Variants in CUBN observed in about 807,000 individuals in gnomAD.
The protein encoded by CUBN is 460 kDa receptor.
CUBN carries 282 observed loss-of-function variants against 405.3 expected under a neutral mutation model. The observed-to-expected ratio is 0.70, with a 90% confidence interval of 0.63 to 0.77. The LOEUF is 0.77. Ranked by LOEUF, CUBN falls within the 30% of genes least tolerant of loss-of-function variation. The pLI is 0.00. For missense variants in CUBN, 4,514 were observed against 4,475.2 expected (o/e 1.01, Z -0.25); for synonymous variants, 1,684 against 1,617.0 (o/e 1.04, Z -0.99).
intron 27 of CUBN, chr10:17,023,725 G>C (rs1348189861): frequency 6.2e-5 from 25 of 403,356 alleles, no homozygotes; most frequent in Middle Eastern, 3.5e-4. Context: ...AGTTCTAATT[G>C]AGTTACAGAA....
At chr10:17,018,142 C>T (rs1263423235) in intron 28 of CUBN, among the ~76,000 whole-genome samples, 1 of 151,910 alleles carries the variant, frequency 6.6e-6, no homozygotes, top group Admixed American at 6.6e-5. Flanking sequence ...GCCTGACACC[C>T]GTGTCTTTAG....
At chr10:17,116,748 G>T (rs955578267) in intron 6 of CUBN, among the ~76,000 whole-genome samples, 2 of 152,186 alleles carry the variant, frequency 1.3e-5, no homozygotes, top group African/African-American at 4.8e-5. Context: ...GCTTGCCTGT[G>T]GTGGGCCCCA....
chr10:17,066,991 T>C (rs985102037), intron 21 of CUBN, among the ~76,000 whole-genome samples: 48 of 152,194 alleles, frequency 3.2e-4, no homozygotes, highest in African/African-American at 1.1e-3. Context: ...AAGGCAAAAC[T>C]GAAATGGATC....
At position 16,840,914 on chromosome 10, in the gene CUBN, C is replaced by A. The variant is rs754724047; in HGVS notation, c.9797G>T (p.Gly3266Val). The change falls in exon 61 of 67, where the codon GGA (glycine) becomes GTA (valine). Residue 3266 changes from glycine (G) to valine (V), a missense_variant. This residue lies in a region of CUBN where 1,186 missense variants were observed against 1,186.9 expected (regional missense o/e 1.00). Transcript: ENST00000377833. ...CATGATGGTGTATGTAGCATTAAAT[C>A]CTTCCCTCTCTAATGTTAAGTCACT... is the stretch of plus-strand genomic sequence containing the variant. ...FISDLTLERE[G>V]FNATYTIMDM... 36 of 1,612,782 alleles carry A rather than the reference C, an allele frequency of 2.2e-5. No individual in the cohort carries two copies. Among genetic ancestry groups the A allele is most frequent in the Non-Finnish European group, 2.7e-5 (32 of 1,179,352 alleles).
intron 48 of CUBN, among the ~76,000 whole-genome samples, chr10:16,913,459 A>C (rs1841790720): frequency 6.6e-6 from 1 of 152,076 alleles, no homozygotes; most frequent in African/African-American, 2.4e-5. Flanking sequence ...CCACCTGCTC[A>C]GAACTTTCGT....
Position 16,851,358 on chromosome 10 carries a change from G to A in CUBN, c.9540C>T (p.Asp3180=), listed in dbSNP as rs774357981. 6 of 1,614,060 alleles carry A rather than the reference G, an allele frequency of 3.7e-6. No individual in the cohort carries two copies. The South Asian group carries it at 6.6e-5, about 18-fold the overall frequency. Residue 3180 remains aspartate (D), a synonymous_variant, in exon 60 of 67, where the codon GAC becomes GAT. Transcript: ENST00000377833. ...TGATCCATACACAGTTTAAATTCTT[G>A]TCATACATTCCATTCGAATCAGAAT... The part of the protein sequence containing the change: ...SPDSDSNGMY[D]KNLNCVWIII...
chr10:16,934,475 A>T (rs1342635944), intron 39 of CUBN, among the ~76,000 whole-genome samples: 2 of 152,204 alleles, frequency 1.3e-5, no homozygotes, highest in Non-Finnish European at 2.9e-5. Flanking sequence ...AGATTTTTTT[A>T]AAGCAATTTC....
At chr10:17,023,315 T>G (rs1213398327) in intron 27 of CUBN, among the ~76,000 whole-genome samples, 2 of 151,602 alleles carry the variant, frequency 1.3e-5, no homozygotes, top group African/African-American at 2.4e-5. Context: ...AATAGACATT[T>G]ATGAAAATGC....
chr10:16,892,731 T>C (rs574333184), intron 54 of CUBN, among the ~76,000 whole-genome samples: 39 of 152,204 alleles, frequency 2.6e-4, no homozygotes, highest in African/African-American at 9.4e-4. Flanking sequence ...TGGACTCAAC[T>C]GATCTGCCTG....
chr10:16,968,452 G>T (rs549036308), intron 31 of CUBN, among the ~76,000 whole-genome samples: 1 of 152,068 alleles, frequency 6.6e-6, no homozygotes, highest in Admixed American at 6.6e-5. Context: ...GTTAGCCCTC[G>T]TTTGTGTTTT....
chr10:17,002,886 T>A (rs1293994683), intron 28 of CUBN, among the ~76,000 whole-genome samples: 1 of 152,208 alleles, frequency 6.6e-6, no homozygotes, highest in Non-Finnish European at 1.5e-5. Context: ...AGTGAAAATT[T>A]GTCATAAATA....
intron 31 of CUBN, chr10:16,965,860 T>A (rs1300471823): frequency 2.3e-6 from 1 of 429,692 alleles, no homozygotes; most frequent in Non-Finnish European, 4.8e-6. Flanking sequence ...CAGTTCCACT[T>A]TGCAGCAGGG....
At chr10:16,950,138 C>T (rs766151832) in intron 33 of CUBN, 27 bp from the exon 34 acceptor site, 27 of 1,525,232 alleles carry the variant, frequency 1.8e-5, no homozygotes, top group Middle Eastern at 1.7e-4. Flanking sequence ...AAGACTCTCT[C>T]GTAAAGTACT....
Position 16,968,616 on chromosome 10 carries a change from G to A in CUBN, c.4695+13868C>T, listed in dbSNP as rs73596226. On this transcript the variant is annotated intron_variant, in intron 31 of 66. Transcript: ENST00000377833. ...CAGGGGCCAGCTGGTGCTGCTGAACGGACTTTCCTCTTCCTGCTCTCACAC... is the reference window on the plus strand; with the variant it reads ...CAGGGGCCAGCTGGTGCTGCTGAACAGACTTTCCTCTTCCTGCTCTCACAC... Among the ~76,000 whole-genome samples, 645 of 152,308 alleles carry A rather than the reference G, an allele frequency of 4.2e-3. 4 individuals carry two copies. Among genetic ancestry groups the A allele is most frequent in the African/African-American group, 0.015 (619 of 41,572 alleles).
At chr10:16,970,741 T>C (rs1843527221) in intron 31 of CUBN, among the ~76,000 whole-genome samples, 1 of 152,234 alleles carries the variant, frequency 6.6e-6, no homozygotes, top group South Asian at 2.1e-4. Flanking sequence ...GTTTTAGTGC[T>C]GATCCTGCTG....
Position 16,840,448 on chromosome 10 carries a change from A to G in CUBN, c.9914T>C (p.Ile3305Thr). ...NSSDPDVPFSICTWVIDSPPH... is the reference protein window; with the variant it reads ...NSSDPDVPFSTCTWVIDSPPH... The stretch of plus-strand genomic sequence containing the variant: ...AGGGGAATCAATGACCCAAGTACAG[A>G]TGGAAAATGGGACATCTGGGTCTGA... The change falls in exon 62 of 67, where the codon ATC (isoleucine) becomes ACC (threonine). Residue 3305 changes from isoleucine to threonine, a missense_variant. Physicochemically the swap from Ile to Thr is moderately conservative, Grantham distance 89. Transcript: ENST00000377833. 3.1e-6 allele frequency: 5 copies of G among 1,614,084 alleles called. No homozygotes were observed. The highest frequency in any genetic ancestry group is 4.2e-6 in the Non-Finnish European group (5 of 1,179,990).
At chr10:16,884,415 G>A (rs543452816) in intron 56 of CUBN, among the ~76,000 whole-genome samples, 1 of 151,784 alleles carries the variant, frequency 6.6e-6, no homozygotes, top group African/African-American at 2.4e-5. Flanking sequence ...GCAGATTGAG[G>A]GCTTCTAGTT....
intron 44 of CUBN, among the ~76,000 whole-genome samples, 157 bp downstream of exon 44, chr10:16,919,806 G>A (rs1485352159): frequency 3.9e-5 from 6 of 152,174 alleles, no homozygotes; most frequent in Admixed American, 6.5e-5. Context: ...AGAGTGGCTG[G>A]CCGACTGTGT....
rs1394348110 is a variant in CUBN, at chr10:17,126,794, C to T, written c.354G>A (p.Val118=). 2 of 1,613,980 alleles carry T rather than the reference C, an allele frequency of 1.2e-6. No individual in the cohort carries two copies. The highest frequency in any genetic ancestry group is 1.7e-6 in the Non-Finnish European group (2 of 1,180,006). The part of the protein sequence containing the change: ...SQIYQLNSKL[V]DLERKFQGLQ... ...AGCCTTGGAATTTTCTCTCAAGATC[C>T]ACCAGCTGGCAATAGGGAAGAAAAA... Residue 118 remains valine (V), a synonymous_variant, in exon 4 of 67, where the codon GTG becomes GTA. Coordinates refer to ENST00000377833, the MANE Select transcript of CUBN (RefSeq NM_001081.4).
Sources: gnomAD v4.1 joint callset for allele counts (sites outside exome capture counted in the v4.1 genomes callset) on GRCh38, gnomAD v4.1.1 for gene constraint, gnomAD v4.1.1 regional missense constraint, MANE v1.5 for transcripts, NCBI Gene and HGNC (gene_info 2026-07-23, HGNC 2026-07-21) for gene names.